FOXN3: variants seen among roughly 807,000 people sequenced by gnomAD.
FOXN3 encodes forkhead box protein N3.
In FOXN3, 7 loss-of-function variants were observed where a neutral mutation model predicts 38.4. The observed-to-expected ratio is 0.18, with a 90% CI of 0.10 to 0.34. The LOEUF (loss-of-function observed/expected upper bound fraction) is 0.34. Ranked by LOEUF, FOXN3 falls within the 10% of genes least tolerant of loss-of-function variation. The pLI, the probability that FOXN3 is intolerant of heterozygous loss-of-function variation, is 1.00. For synonymous variants in FOXN3, 230 were observed against 242.2 expected (o/e 0.95, Z 0.47); for missense variants, 456 against 613.4 (o/e 0.74, Z 2.71).
intron 2 of FOXN3, among the ~76,000 whole-genome samples, chr14:89,366,888 T>C (rs1395681463): frequency 6.6e-6 from 1 of 152,204 alleles, no homozygotes; most frequent in Non-Finnish European, 1.5e-5. Flanking sequence ...TGGTTGTCCG[T>C]AGTTACTCAT....
intron 1 of FOXN3, among the ~76,000 whole-genome samples, chr14:89,506,116 G>A (rs1893924489): frequency 7.4e-6 from 1 of 135,546 alleles, no homozygotes; most frequent in Non-Finnish European, 1.6e-5. Context: ...TCCGGGAGGT[G>A]AGGGGCGCCT....
chr14:89,209,663 A>C (rs1888472143), intron 4 of FOXN3, among the ~76,000 whole-genome samples: 1 of 152,248 alleles, frequency 6.6e-6, no homozygotes, highest in African/African-American at 2.4e-5. Flanking sequence ...AGAAAAGCAA[A>C]ACTTACCCAC....
chr14:89,493,386 A>G (rs1432279595), intron 1 of FOXN3, among the ~76,000 whole-genome samples: 1 of 152,240 alleles, frequency 6.6e-6, no homozygotes, highest in Non-Finnish European at 1.5e-5. Context: ...TCTAGCAGGC[A>G]AATAAATACT....
intron 1 of FOXN3, among the ~76,000 whole-genome samples, chr14:89,449,689 T>C (rs1237097273): frequency 2.6e-5 from 4 of 152,136 alleles, no homozygotes; most frequent in Non-Finnish European, 1.5e-5. Flanking sequence ...TGCAATCTCG[T>C]TTGGAGCAGT....
chr14:89,194,106 G>GT (rs971405312), intron 4 of FOXN3, among the ~76,000 whole-genome samples: 5 of 151,156 alleles, frequency 3.3e-5, no homozygotes, highest in Non-Finnish European at 7.4e-5. Flanking sequence ...GAGATACATG[G>GT]TTTTTTTTTC....
At chr14:89,317,475 C>T (rs1251548776) in intron 3 of FOXN3, among the ~76,000 whole-genome samples, 1 of 152,170 alleles carries the variant, frequency 6.6e-6, no homozygotes, top group Non-Finnish European at 1.5e-5. Context: ...ATTAGACAGT[C>T]ATTGTACTTC....
intron 4 of FOXN3, among the ~76,000 whole-genome samples, chr14:89,207,486 G>C (rs566039095): frequency 6.6e-6 from 1 of 152,094 alleles, no homozygotes; most frequent in Non-Finnish European, 1.5e-5. Context: ...ATTGAAATAC[G>C]TAATGAAATA....
intron 1 of FOXN3, among the ~76,000 whole-genome samples, chr14:89,476,770 T>C (rs1381883996): frequency 1.3e-5 from 2 of 152,222 alleles, no homozygotes; most frequent in Non-Finnish European, 2.9e-5. Flanking sequence ...TCTTTTCAAA[T>C]GCTATCCCCC....
chr14:89,368,608 T>G (rs1004900779), intron 2 of FOXN3, among the ~76,000 whole-genome samples: 1 of 152,180 alleles, frequency 6.6e-6, no homozygotes, highest in African/African-American at 2.4e-5. Flanking sequence ...ATTGTGCCAC[T>G]GCACTCCGGC....
In FOXN3 at chr14:89,258,561, C is replaced by T. The variant is rs376010513; in HGVS notation, c.745+22389G>A. 2.6e-5 allele frequency among the ~76,000 whole-genome samples: 4 copies of T among 152,332 alleles called. No individual in the cohort carries two copies. The East Asian group carries it at 7.7e-4, about 29-fold the overall frequency. On this transcript the variant is annotated intron_variant, in intron 4 of 5. Transcript: ENST00000557258. ...GTAGTCATTGTGATACCACCTGGAC[C>T]ACCTACATCTTATTTTCTAAAATGT...
rs146211278 is a variant in FOXN3 at position 89,368,980 on chromosome 14, T to A, written c.544-18172A>T. Among the ~76,000 whole-genome samples, 88 of 152,304 alleles carry A rather than the reference T, an allele frequency of 5.8e-4. No individual in the cohort carries two copies. In the East Asian group the frequency reaches 0.011, roughly 20 times the overall value. On this transcript the variant is annotated intron_variant, in intron 2 of 5. Transcript: ENST00000557258. Reference sequence around the variant, plus strand: ...TGAACAAACACTTTACACAGTGCGTTTCATCTGACAATGCCGAAGTGCCCT... The same window carrying A: ...TGAACAAACACTTTACACAGTGCGTATCATCTGACAATGCCGAAGTGCCCT...
chr14:89,555,137 G>A (rs1895090732), intron 1 of FOXN3, among the ~76,000 whole-genome samples: 1 of 148,208 alleles, frequency 6.7e-6, no homozygotes, highest in South Asian at 2.1e-4. Flanking sequence ...GGTTTTTTTT[G>A]TACACTGTTC....
chr14:89,381,757 G>A (rs1890655130), intron 2 of FOXN3, among the ~76,000 whole-genome samples: 1 of 151,946 alleles, frequency 6.6e-6, no homozygotes, highest in South Asian at 2.1e-4. Flanking sequence ...CTACTCAGGA[G>A]GCTGAGATGG....
intron 2 of FOXN3, among the ~76,000 whole-genome samples, chr14:89,410,750 G>A (rs1891520445): frequency 6.6e-6 from 1 of 151,978 alleles, no homozygotes; most frequent in Admixed American, 6.6e-5. Flanking sequence ...GCACACACCT[G>A]TGCTCCCAGC....
At chr14:89,250,576 A>G (rs1486691696) in intron 4 of FOXN3, among the ~76,000 whole-genome samples, 2 of 152,254 alleles carry the variant, frequency 1.3e-5, no homozygotes, top group Non-Finnish European at 2.9e-5. Context: ...GTTACAGATG[A>G]GGAAGCACAT....
chr14:89,385,199 T>C (rs1013690502), intron 2 of FOXN3, among the ~76,000 whole-genome samples: 1 of 152,102 alleles, frequency 6.6e-6, no homozygotes, highest in Non-Finnish European at 1.5e-5. Context: ...GCAAGCCCTA[T>C]GAAAAGGAAG....
At chr14:89,207,759 T>C (rs529926683) in intron 4 of FOXN3, among the ~76,000 whole-genome samples, 3 of 152,328 alleles carry the variant, frequency 2.0e-5, no homozygotes, top group African/African-American at 4.8e-5. Flanking sequence ...AATGTACCCT[T>C]TGTCAACAAA....
At chr14:89,386,933 C>G (rs1280868147) in intron 2 of FOXN3, among the ~76,000 whole-genome samples, 1 of 152,166 alleles carries the variant, frequency 6.6e-6, no homozygotes, top group Non-Finnish European at 1.5e-5. Flanking sequence ...CCTTAATTAG[C>G]TCCACATTGA....
At chr14:89,375,825 A>G (rs1361870138) in intron 2 of FOXN3, among the ~76,000 whole-genome samples, 1 of 152,040 alleles carries the variant, frequency 6.6e-6, no homozygotes, top group Non-Finnish European at 1.5e-5. Flanking sequence ...GCTGGGATGC[A>G]ATGGCGCAAT....
Sources: gnomAD v4.1 joint callset for allele counts (sites outside exome capture counted in the v4.1 genomes callset) on GRCh38, gnomAD v4.1.1 for gene constraint, MANE v1.5 for transcripts, NCBI Gene and HGNC (gene_info 2026-07-23, HGNC 2026-07-21) for gene names.